Variants in INO80 observed in about 807,000 individuals in gnomAD.
The protein encoded by INO80 is INO80 complex ATPase subunit.
INO80 carries 20 observed loss-of-function variants against 203.4 expected under a neutral mutation model. The observed-to-expected ratio is 0.10, with a 90% CI of 0.07 to 0.14. The LOEUF is 0.14. INO80 is among the 10% of genes least tolerant of loss of function. The pLI is 1.00. For synonymous variants in INO80, 726 were observed against 685.2 expected (o/e 1.06, Z -0.93); for missense variants, 1,419 against 1,914.4 (o/e 0.74, Z 4.83).
At chr15:41,113,179 T>C (rs566575980) in intron 1 of INO80, among the ~76,000 whole-genome samples, 2 of 152,218 alleles carry the variant, frequency 1.3e-5, no homozygotes, top group South Asian at 2.1e-4. Flanking sequence ...CCTCCCAAAG[T>C]GCCGGGATTA....
chr15:41,101,758 G>A lies in INO80; in HGVS notation c.-43-5405C>T, dbSNP rs527937629. ...GTAGAGACGGGGTTTCACTGTGTTA[G>A]CCAGGATGATCTCGATCTCCTGACC... On this transcript the variant is annotated intron_variant, in intron 1 of 35. Transcript: ENST00000648947. Among the ~76,000 whole-genome samples, 4 of 151,924 alleles carry A rather than the reference G, an allele frequency of 2.6e-5. No individual in the cohort carries two copies. The South Asian group carries it at 8.3e-4, about 32-fold the overall frequency.
intron 27 of INO80, among the ~76,000 whole-genome samples, chr15:41,008,584 T>C (rs1158583868): frequency 2.0e-5 from 3 of 152,214 alleles, no homozygotes; most frequent in Non-Finnish European, 4.4e-5. Context: ...TGGTCGACCT[T>C]AAATATATAC....
chr15:41,023,301 C>T (rs1331786802), intron 25 of INO80: 9 of 455,736 alleles, frequency 2.0e-5, no homozygotes, highest in Middle Eastern at 3.2e-4. Context: ...CCCAGCAGAT[C>T]GTGGGTCAGA....
chr15:41,099,559 G>T (rs1346728591), intron 1 of INO80, among the ~76,000 whole-genome samples: 1 of 151,906 alleles, frequency 6.6e-6, no homozygotes. Context: ...GGCAGGAGGA[G>T]AGCTTGAGCC....
chr15:40,985,249 C>G (rs1893976727), intron 32 of INO80, 89 bp downstream of exon 32: 1 of 883,434 alleles, frequency 1.1e-6, no homozygotes, highest in South Asian at 1.4e-5. Flanking sequence ...CAACCAGTAA[C>G]CAAGATGAGA....
chr15:41,070,735 C>T (rs1238565392), intron 12 of INO80, among the ~76,000 whole-genome samples, 188 bp from the exon 13 acceptor site: 3 of 152,184 alleles, frequency 2.0e-5, no homozygotes, highest in African/African-American at 7.2e-5. Flanking sequence ...AACTATGAAC[C>T]ATGATACATG....
At chr15:41,096,022 C>A (rs1251304545) in intron 2 of INO80, 94 bp from the exon 3 acceptor site, 2 of 1,420,656 alleles carry the variant, frequency 1.4e-6, no homozygotes, top group Non-Finnish European at 1.9e-6. Flanking sequence ...AACTGTTCCT[C>A]TGAAATAAAT....
At position 41,020,659 on chromosome 15, in the gene INO80, G is replaced by A. The variant is rs932637102; in HGVS notation, c.3274+241C>T. Among the ~76,000 whole-genome samples the A allele has an allele frequency of 5.3e-5, 8 of 150,968 alleles. 1 individual carries two copies. The highest frequency in any genetic ancestry group is 1.0e-4 in the Non-Finnish European group (7 of 67,782). On this transcript the variant is annotated intron_variant, in intron 26 of 35. Transcript: ENST00000648947. The stretch of plus-strand genomic sequence containing the variant: ...TTCTACCTTTTTTTTTTTAAGAGTG[G>A]CATTTCTTTCTCAGCTGTAAGCATG...
chr15:40,980,390 G>A lies in INO80; in HGVS notation c.4504C>T (p.Leu1502Phe), dbSNP rs763429004. ...LQTSLVRPAG[L>F]ADFGPSSASS... ...GCGCTTGAAGGTCCAAAGTCAGCAA[G>A]GCCAGCAGGCCGAACAAGGGATGTC... The change falls in exon 36 of 36, where the codon CTT (leucine) becomes TTT (phenylalanine). Residue 1502 changes from leucine (L) to phenylalanine (F), a missense_variant. Physicochemically the swap from Leu to Phe is conservative, Grantham distance 22. This residue lies in a region of INO80 where 112 missense variants were observed against 106.2 expected (regional missense o/e 1.05). Transcript: ENST00000648947. 2 of 1,613,956 alleles carry A rather than the reference G, an allele frequency of 1.2e-6. No individual in the cohort carries two copies. The highest frequency in any genetic ancestry group is 1.1e-5 in the South Asian group (1 of 91,058).
chr15:41,085,326 A>G (rs774047573), intron 7 of INO80, 43 bp downstream of exon 7: 2 of 1,550,884 alleles, frequency 1.3e-6, no homozygotes, highest in Non-Finnish European at 1.8e-6. Flanking sequence ...GTGGGGAGAG[A>G]AAACATTCTC....
chr15:41,022,162 A>C (rs2044303819), intron 25 of INO80, among the ~76,000 whole-genome samples: 1 of 152,266 alleles, frequency 6.6e-6, no homozygotes, highest in South Asian at 2.1e-4. Flanking sequence ...AGAGATACTC[A>C]ATCTGCATAC....
At chr15:41,005,095 C>T (rs755095993) in intron 28 of INO80, among the ~76,000 whole-genome samples, 1 of 148,600 alleles carries the variant, frequency 6.7e-6, no homozygotes, top group Non-Finnish European at 1.5e-5. Flanking sequence ...CTTGGGAGGC[C>T]GAGGCACAAG....
At chr15:40,997,453 A>G (rs890166949) in intron 29 of INO80, 76 bp downstream of exon 29, 11 of 949,484 alleles carry the variant, frequency 1.2e-5, no homozygotes, top group Non-Finnish European at 1.9e-5. Context: ...AAACAATGCC[A>G]TATTAGAAAA....
chr15:41,064,086 G>A (rs1360491243), intron 14 of INO80, among the ~76,000 whole-genome samples: 1 of 152,146 alleles, frequency 6.6e-6, no homozygotes, highest in Admixed American at 6.5e-5. Context: ...GTCAGTGACA[G>A]AATAGGCAGA....
At chr15:41,075,275 CTT>C (rs762541888) in intron 9 of INO80, among the ~76,000 whole-genome samples, 37 of 140,646 alleles carry the variant, frequency 2.6e-4, no homozygotes, top group Non-Finnish European at 2.0e-4. Context: ...AGAAACTTTT[CTT>C]TTTTTTTTTT....
chr15:41,051,793 C>T (rs2044876791), intron 19 of INO80, among the ~76,000 whole-genome samples: 1 of 152,018 alleles, frequency 6.6e-6, no homozygotes, highest in South Asian at 2.1e-4. Context: ...CTCATCTCTA[C>T]TAAAAATACA....
chr15:41,008,121 G>T (rs1418639579), intron 27 of INO80, among the ~76,000 whole-genome samples: 1 of 152,126 alleles, frequency 6.6e-6, no homozygotes, highest in Non-Finnish European at 1.5e-5. Context: ...GCTGCAGTGA[G>T]CCAAGATCAT....
At chr15:41,069,758 G>A (rs2045281412) in intron 13 of INO80, 93 bp from the exon 14 acceptor site, 2 of 697,086 alleles carry the variant, frequency 2.9e-6, no homozygotes, top group Non-Finnish European at 2.4e-6. Context: ...CTAAGAATAG[G>A]AAACAAATAA....
chr15:41,093,642 T>C (rs1002534555), intron 4 of INO80, among the ~76,000 whole-genome samples: 1 of 152,032 alleles, frequency 6.6e-6, no homozygotes, highest in African/African-American at 2.4e-5. Context: ...GGCAGGCAGA[T>C]TGCTTGAGCT....
Sources: gnomAD v4.1 joint callset for allele counts (sites outside exome capture counted in the v4.1 genomes callset) on GRCh38, gnomAD v4.1.1 for gene constraint, gnomAD v4.1.1 regional missense constraint, MANE v1.5 for transcripts, NCBI Gene and HGNC (gene_info 2026-07-23, HGNC 2026-07-21) for gene names.